Variants in DLG1 observed in about 807,000 individuals in gnomAD.
DLG1 encodes disks large homolog 1.
DLG1 carries 42 observed loss-of-function variants against 123.4 expected under a neutral mutation model. The ratio of observed to expected loss-of-function variants is 0.34; its 90% confidence interval spans 0.27 to 0.44. DLG1 has a LOEUF of 0.44. Ranked by LOEUF, DLG1 falls within the 20% of genes least tolerant of loss-of-function variation. The probability of loss-of-function intolerance (pLI) is 1.00; values close to 1 mark genes in which losing one functional copy is unlikely to be tolerated. For synonymous variants in DLG1, 317 were observed against 356.2 expected, an observed-to-expected ratio of 0.89 and a Z score of 1.24; for missense variants, 942 against 1,082.6, an observed-to-expected ratio of 0.87 and a Z score of 1.82.
intron 18 of DLG1, among the ~76,000 whole-genome samples, chr3:197,071,425 T>A (rs1333924816): frequency 6.6e-6 from 1 of 151,592 alleles, no homozygotes; most frequent in East Asian, 1.9e-4. Flanking sequence ...TTTTTGAGAT[T>A]TCTCCTACTC....
chr3:197,154,388 A>G lies in DLG1; in HGVS notation c.484-4592T>C, dbSNP rs143466036. On this transcript the variant is annotated intron_variant, in intron 5 of 24. Transcript: ENST00000667157. The stretch of plus-strand genomic sequence containing the variant: ...AGACAAAGACTTTATTAAAGAATTA[A>G]AAGATGGCCGGGCACAGTGGCTCAC... Among the ~76,000 whole-genome samples, 1,050 of 152,250 alleles carry G rather than the reference A, an allele frequency of 6.9e-3. 5 individuals are homozygous for G. Among genetic ancestry groups the G allele is most frequent in the Admixed American group, 0.011 (171 of 15,282 alleles).
At chr3:197,149,991 G>GT (rs1793078675) in intron 5 of DLG1, among the ~76,000 whole-genome samples, 195 bp from the exon 6 acceptor site, 1 of 152,040 alleles carries the variant, frequency 6.6e-6, no homozygotes, top group African/African-American at 2.4e-5. Context: ...AAACAGATTT[G>GT]CTTTTAAGAA....
At chr3:197,058,422 C>CAT (rs10662711) in intron 23 of DLG1, among the ~76,000 whole-genome samples, 114,043 of 151,918 alleles carry the variant, frequency 0.75, 42,968 homozygotes, top group East Asian at 0.82. Context: ...CCTCCAAACT[C>CAT]TACTTGGCAA....
At chr3:197,251,698 C>CA (rs1224925416) in intron 4 of DLG1, among the ~76,000 whole-genome samples, 3 of 151,802 alleles carry the variant, frequency 2.0e-5, no homozygotes, top group African/African-American at 7.2e-5. Context: ...TTCTGCACAG[C>CA]AAAAAAACAC....
chr3:197,259,565 A>G (rs987644960), intron 4 of DLG1, among the ~76,000 whole-genome samples: 1 of 152,242 alleles, frequency 6.6e-6, no homozygotes, highest in African/African-American at 2.4e-5. Context: ...AAAAAAAGGT[A>G]AATTATTCCA....
chr3:197,079,054 G>GA (rs3836426), intron 17 of DLG1, among the ~76,000 whole-genome samples: 39,356 of 151,794 alleles, frequency 0.26, 5,493 homozygotes, highest in Middle Eastern at 0.35. Context: ...TATTAAAAGT[G>GA]AAAAAAATAG....
At chr3:197,200,417 G>A (rs928583424) in intron 4 of DLG1, among the ~76,000 whole-genome samples, 21 of 152,076 alleles carry the variant, frequency 1.4e-4, no homozygotes, top group Non-Finnish European at 2.6e-4. Flanking sequence ...AACATAAAAG[G>A]AGCAGTGAGG....
chr3:197,242,248 A>T (rs926156388), intron 4 of DLG1, among the ~76,000 whole-genome samples: 1 of 152,160 alleles, frequency 6.6e-6, no homozygotes, highest in Non-Finnish European at 1.5e-5. Context: ...GCAAGAGGAT[A>T]TAACAATTAT....
At chr3:197,100,772 T>C (rs1763035540) in intron 14 of DLG1, among the ~76,000 whole-genome samples, 1 of 151,444 alleles carries the variant, frequency 6.6e-6, no homozygotes, top group Non-Finnish European at 1.5e-5. Flanking sequence ...CTTCTCGGAG[T>C]TTCTCTAATC....
Position 197,081,042 on chromosome 3 carries a change from A to G in DLG1, c.1905+9T>C, listed in dbSNP as rs530410412. Reference sequence around the variant, plus strand: ...GAATTACAAAAATGTAGAGATTTCAAATACTCACCCCTTTATCTCTCGTTT... The same window carrying G: ...GAATTACAAAAATGTAGAGATTTCAGATACTCACCCCTTTATCTCTCGTTT... On this transcript the variant is annotated intron_variant, in intron 17 of 24. Coordinates refer to ENST00000667157, the MANE Select transcript of DLG1 (RefSeq NM_001366207.1). 1.8e-4 allele frequency: 291 copies of G among 1,609,974 alleles called. 2 individuals carry two copies. The South Asian group carries it at 3.0e-3, about 17-fold the overall frequency.
At chr3:197,066,841 G>A in intron 19 of DLG1, 87 bp from the exon 20 acceptor site, 2 of 812,018 alleles carry the variant, frequency 2.5e-6, no homozygotes, top group East Asian at 2.7e-5. Context: ...TACATTACTA[G>A]AACTTTCCTG....
At position 197,274,527 on chromosome 3, in the gene DLG1, C is replaced by T. The variant is rs1055998145; in HGVS notation, c.318+8152G>A. The stretch of plus-strand genomic sequence containing the variant: ...CGACACGACACGACACGATACGATA[C>T]GAAAACATTGGGGAAATGCTTCAGG... On this transcript the variant is annotated intron_variant, in intron 4 of 24. Coordinates refer to ENST00000667157, the MANE Select transcript of DLG1 (RefSeq NM_001366207.1). Among the ~76,000 whole-genome samples, 11 of 151,980 alleles carry T rather than the reference C, an allele frequency of 7.2e-5. No individual in the cohort carries two copies. In the Middle Eastern group the frequency reaches 0.014, roughly 188 times the overall value.
At position 197,208,829 on chromosome 3, in the gene DLG1, A is replaced by C. The variant is rs551594333; in HGVS notation, c.319-14240T>G. ...TTTACCCCTGGGGGAAAGAGGCAAG[A>C]GGGAGACCTTTTCATCTTCATACAG... On this transcript the variant is annotated intron_variant, in intron 4 of 24. Coordinates refer to ENST00000667157, the MANE Select transcript of DLG1 (RefSeq NM_001366207.1). Among the ~76,000 whole-genome samples the C allele has an allele frequency of 5.5e-4, 80 of 146,108 alleles. 10 individuals carry two copies. The highest frequency in any genetic ancestry group is 4.1e-3 in the Admixed American group (59 of 14,546).
chr3:197,143,563 G>C (rs1183928609), intron 6 of DLG1, among the ~76,000 whole-genome samples: 7 of 152,030 alleles, frequency 4.6e-5, no homozygotes, highest in Admixed American at 4.6e-4. Flanking sequence ...GCAACAGCTG[G>C]ATCTTTTTAA....
chr3:197,248,091 G>A (rs547346529), intron 4 of DLG1, among the ~76,000 whole-genome samples: 8 of 152,294 alleles, frequency 5.3e-5, no homozygotes, highest in Non-Finnish European at 1.2e-4. Context: ...TAATGTGCCT[G>A]AATCTCATTC....
Position 197,139,527 on chromosome 3 carries a change from A to G in DLG1, c.713+613T>C, listed in dbSNP as rs138935228. Among the ~76,000 whole-genome samples the G allele has an allele frequency of 2.4e-4, 36 of 152,354 alleles. No homozygotes were observed. In the East Asian group the frequency reaches 6.5e-3, roughly 28 times the overall value. ...CAAACAAGGAAATAGGAAAAATGAC[A>G]TAATTTATGACCCTCAAAAAATCAA... On this transcript the variant is annotated intron_variant, in intron 8 of 24. Transcript: ENST00000667157.
intron 4 of DLG1, among the ~76,000 whole-genome samples, chr3:197,265,181 C>G (rs895708825): frequency 6.6e-6 from 1 of 152,176 alleles, no homozygotes; most frequent in African/African-American, 2.4e-5. Context: ...AGAAATCACC[C>G]TGTAATATGA....
intron 7 of DLG1, among the ~76,000 whole-genome samples, chr3:197,142,106 T>G (rs1175793660): frequency 2.0e-5 from 3 of 152,246 alleles, no homozygotes; most frequent in Non-Finnish European, 4.4e-5. Context: ...AATACAGCTC[T>G]GTCTGTTAGA....
intron 4 of DLG1, among the ~76,000 whole-genome samples, chr3:197,267,493 A>C (rs1762178331): frequency 6.6e-6 from 1 of 152,162 alleles, no homozygotes; most frequent in Non-Finnish European, 1.5e-5. Flanking sequence ...AGGGGGAGAA[A>C]GCACTTCTTA....
Sources: gnomAD v4.1 joint callset for allele counts (sites outside exome capture counted in the v4.1 genomes callset) on GRCh38, gnomAD v4.1.1 for gene constraint, MANE v1.5 for transcripts, NCBI Gene and HGNC (gene_info 2026-07-23, HGNC 2026-07-21) for gene names.